Variants in ADGRL3 observed in about 807,000 individuals in gnomAD.
ADGRL3 encodes the protein adhesion G protein-coupled receptor L3, also known as calcium-independent alpha-latrotoxin receptor 3.
ADGRL3 carries 62 observed loss-of-function variants against 153.5 expected under a neutral mutation model. The observed-to-expected ratio is 0.40, with a 90% CI of 0.33 to 0.50. The LOEUF (loss-of-function observed/expected upper bound fraction) is 0.50. Among genes scored for constraint, ADGRL3 ranks in the 20% least tolerant of loss-of-function variants. The pLI, the probability that ADGRL3 is intolerant of heterozygous loss-of-function variation, is 0.47. For missense variants in ADGRL3, 1,641 were observed against 1,859.4 expected (o/e 0.88, Z 2.16); for synonymous variants, 710 against 672.5 (o/e 1.06, Z -0.86).
Position 61,279,260 on chromosome 4 carries a change from C to A in ADGRL3, c.-240+77495C>A, listed in dbSNP as rs180689546. Among the ~76,000 whole-genome samples, 532 of 152,190 alleles carry A rather than the reference C, an allele frequency of 3.5e-3. 2 individuals carry two copies. The highest frequency in any genetic ancestry group is 5.4e-3 in the Non-Finnish European group (365 of 68,000). On this transcript the variant is annotated intron_variant, in intron 1 of 26. Transcript: ENST00000683033. ...TTTACTTATAAGTAAACTGCTATAT[C>A]AAAATTGGGTATTCATTGACATTTC...
At chr4:61,890,386 G>T (rs1283983930) in intron 9 of ADGRL3, among the ~76,000 whole-genome samples, 1 of 152,120 alleles carries the variant, frequency 6.6e-6, no homozygotes, top group Non-Finnish European at 1.5e-5. Context: ...CCAAGACGGG[G>T]TAATTTATAA....
intron 1 of ADGRL3, among the ~76,000 whole-genome samples, chr4:61,263,227 C>T (rs975798389): frequency 6.6e-6 from 1 of 151,380 alleles, no homozygotes; most frequent in Non-Finnish European, 1.5e-5. Flanking sequence ...TTATCAAGTG[C>T]AAATAATTAA....
At chr4:61,279,907 A>G (rs1326844889) in intron 1 of ADGRL3, among the ~76,000 whole-genome samples, 1 of 152,122 alleles carries the variant, frequency 6.6e-6, no homozygotes, top group Non-Finnish European at 1.5e-5. Context: ...ATAAGGATAA[A>G]TATTTGTTGC....
intron 9 of ADGRL3, among the ~76,000 whole-genome samples, chr4:61,842,432 G>C (rs6551660): frequency 0.37 from 55,943 of 151,934 alleles, 13,033 homozygotes; most frequent in East Asian, 0.75. Flanking sequence ...AATCTAAAAG[G>C]ACTAAATTCT....
At chr4:61,704,992 C>A (rs980206363) in intron 6 of ADGRL3, among the ~76,000 whole-genome samples, 7 of 152,126 alleles carry the variant, frequency 4.6e-5, no homozygotes, top group African/African-American at 1.7e-4. Flanking sequence ...GTCTTGAACC[C>A]TTCAAAGTCA....
chr4:61,603,541 A>C (rs2149557665), intron 5 of ADGRL3, among the ~76,000 whole-genome samples: 1 of 152,274 alleles, frequency 6.6e-6, no homozygotes, highest in Admixed American at 6.5e-5. Flanking sequence ...TTTGCTCATA[A>C]ACACATTCCA....
In ADGRL3 at chr4:61,251,206, G is replaced by A. The variant is rs139792243; in HGVS notation, c.-240+49441G>A. On this transcript the variant is annotated intron_variant, in intron 1 of 26. Coordinates refer to ENST00000683033, the MANE Select transcript of ADGRL3 (RefSeq NM_001387552.1). Reference sequence around the variant, plus strand: ...TCCAAAGGCAGAGTGGGCCTCAGACGTCTGGGGCCTGGAATCATCTGGAGG... The same window carrying A: ...TCCAAAGGCAGAGTGGGCCTCAGACATCTGGGGCCTGGAATCATCTGGAGG... Among the ~76,000 whole-genome samples, 674 of 152,242 alleles carry A rather than the reference G, an allele frequency of 4.4e-3. 2 individuals are homozygous for A. The highest frequency in any genetic ancestry group is 0.015 in the African/African-American group (615 of 41,550).
At position 62,038,752 on chromosome 4, in the gene ADGRL3, G is replaced by T. The variant is rs557164922; in HGVS notation, c.3717+896G>T. 2.0e-5 allele frequency among the ~76,000 whole-genome samples: 3 copies of T among 152,146 alleles called. No homozygotes were observed. In the South Asian group the frequency reaches 6.2e-4, roughly 32 times the overall value. ...GCCTCCCGAGTAGCTGGGACCACAGGCGTGTGCCACCACGCCCAGATAATT... is the reference window on the plus strand; with the variant it reads ...GCCTCCCGAGTAGCTGGGACCACAGTCGTGTGCCACCACGCCCAGATAATT... On this transcript the variant is annotated intron_variant, in intron 24 of 26. Coordinates refer to ENST00000683033, the MANE Select transcript of ADGRL3 (RefSeq NM_001387552.1).
chr4:61,625,070 C>T (rs991447541), intron 5 of ADGRL3, among the ~76,000 whole-genome samples: 4 of 151,736 alleles, frequency 2.6e-5, no homozygotes, highest in East Asian at 1.9e-4. Flanking sequence ...AAATGTAGAA[C>T]GTGAAATGTA....
chr4:61,680,573 T>C (rs1561053445), intron 6 of ADGRL3, among the ~76,000 whole-genome samples: 1 of 151,988 alleles, frequency 6.6e-6, no homozygotes, highest in East Asian at 1.9e-4. Context: ...TCAATAAAGT[T>C]CATTGTATCA....
intron 1 of ADGRL3, among the ~76,000 whole-genome samples, chr4:61,242,744 G>A (rs1755512124): frequency 6.6e-6 from 1 of 152,000 alleles, no homozygotes; most frequent in Non-Finnish European, 1.5e-5. Flanking sequence ...AACTGTATAG[G>A]AATGTGCTCT....
At chr4:61,725,074 T>C (rs1391989428) in intron 6 of ADGRL3, among the ~76,000 whole-genome samples, 1 of 152,212 alleles carries the variant, frequency 6.6e-6, no homozygotes, top group Non-Finnish European at 1.5e-5. Flanking sequence ...TAGTGCCATT[T>C]AGTCATTGCA....
rs570380343 is a variant in ADGRL3, at chr4:61,322,666, A to G, written c.-239-60458A>G. Among the ~76,000 whole-genome samples, 6 of 152,326 alleles carry G rather than the reference A, an allele frequency of 3.9e-5. No individual in the cohort carries two copies. In the East Asian group the frequency reaches 9.7e-4, roughly 25 times the overall value. ...CTACAAAATGATCTCCTTTGACTCCATGTCTTACATTCAGGTCACGCTGAT... is the reference window on the plus strand; with the variant it reads ...CTACAAAATGATCTCCTTTGACTCCGTGTCTTACATTCAGGTCACGCTGAT... On this transcript the variant is annotated intron_variant, in intron 1 of 26. Transcript: ENST00000683033.
intron 22 of ADGRL3, 124 bp from the exon 23 acceptor site, chr4:62,031,314 CCTGT>C (rs1721924928): frequency 1.5e-6 from 1 of 687,276 alleles, no homozygotes; most frequent in African/African-American, 1.8e-5. Flanking sequence ...ACTTACACCA[CCTGT>C]CTTACATTTT....
intron 5 of ADGRL3, among the ~76,000 whole-genome samples, chr4:61,614,933 G>T (rs931708008): frequency 4.6e-5 from 7 of 152,070 alleles, no homozygotes; most frequent in East Asian, 3.8e-4. Context: ...TAAAAGCAGT[G>T]CCTGGACATA....
rs572774677 is a variant in ADGRL3 at position 61,912,769 on chromosome 4, G to A, written c.2112+12G>A. 2.4e-5 allele frequency: 38 copies of A among 1,611,780 alleles called. No individual in the cohort carries two copies. The highest frequency in any genetic ancestry group is 1.0e-4 in the Admixed American group (6 of 59,908). ...GAGCCTATGTCCAGGTACTTTCTGC[G>A]TTTTTATAAATGTGTTAAGTTGTTG... On this transcript the variant is annotated intron_variant, in intron 13 of 26. Transcript: ENST00000683033.
chr4:61,605,114 A>G (rs2099027218), intron 5 of ADGRL3, among the ~76,000 whole-genome samples: 1 of 137,354 alleles, frequency 7.3e-6, no homozygotes, highest in African/African-American at 2.7e-5. Flanking sequence ...AAAAAAAAAA[A>G]GAGAAGGAAA....
chr4:61,359,998 CA>C (rs2096258683), intron 1 of ADGRL3, among the ~76,000 whole-genome samples: 1 of 152,034 alleles, frequency 6.6e-6, no homozygotes. Context: ...ATTAATTTTT[CA>C]GCTGATGTTT....
chr4:61,441,668 T>A (rs2097530260), intron 2 of ADGRL3, among the ~76,000 whole-genome samples: 1 of 152,026 alleles, frequency 6.6e-6, no homozygotes. Flanking sequence ...TACAGGTGCA[T>A]GCCGCTACGC....
Sources: allele counts gnomAD v4.1 joint callset (sites outside exome capture counted in the v4.1 genomes callset), GRCh38; gene constraint gnomAD v4.1.1; transcripts MANE v1.5; gene names NCBI Gene and HGNC (gene_info 2026-07-23, HGNC 2026-07-21).